ANKRD36B: variants seen among roughly 807,000 people sequenced by gnomAD.
ANKRD36B encodes ankyrin repeat domain 36B.
A neutral mutation model predicts 135.7 loss-of-function variants in ANKRD36B; 37 were observed. That is an observed-to-expected ratio of 0.27 (90% CI 0.21 to 0.36). The LOEUF (loss-of-function observed/expected upper bound fraction) is 0.36. ANKRD36B is among the 10% of genes least tolerant of loss of function. The pLI is 1.00. For synonymous variants in ANKRD36B, 179 were observed against 348.1 expected, an observed-to-expected ratio of 0.51 and a Z score of 5.41; for missense variants, 549 against 1,037.1, an observed-to-expected ratio of 0.53 and a Z score of 6.46.
chr2:97,547,055 T>C (rs1386680409), intron 22 of ANKRD36B, among the ~76,000 whole-genome samples: 2 of 151,682 alleles, frequency 1.3e-5, no homozygotes, highest in African/African-American at 2.4e-5. Flanking sequence ...AGAATTCCTC[T>C]TTTTCAGCCT....
At chr2:97,588,192 C>T (rs1013372512) in intron 1 of ANKRD36B, among the ~76,000 whole-genome samples, 2 of 151,996 alleles carry the variant, frequency 1.3e-5, no homozygotes, top group Non-Finnish European at 2.9e-5. Flanking sequence ...CATTCCATAA[C>T]GAACTTATTT....
At chr2:97,571,721 T>C (rs567303637) in intron 6 of ANKRD36B, among the ~76,000 whole-genome samples, 3 of 151,222 alleles carry the variant, frequency 2.0e-5, no homozygotes, top group East Asian at 3.9e-4. Context: ...TATAGAAATA[T>C]ATGTAGCCAT....
intron 6 of ANKRD36B, among the ~76,000 whole-genome samples, chr2:97,570,095 T>C (rs949146585): frequency 6.6e-6 from 1 of 152,196 alleles, no homozygotes; most frequent in African/African-American, 2.4e-5. Flanking sequence ...AAGAACAGAT[T>C]ATAATTACCT....
intron 5 of ANKRD36B, among the ~76,000 whole-genome samples, chr2:97,577,069 ATTAAT>A (rs869255609): frequency 5.7e-4 from 87 of 152,102 alleles, no homozygotes; most frequent in Non-Finnish European, 1.1e-3. Context: ...TCATAAATAA[ATTAAT>A]TTATGAATAT....
chr2:97,558,950 A>G lies in ANKRD36B; in HGVS notation c.894+16T>C, dbSNP rs1490552268. 6.2e-7 allele frequency: 1 copy of G among 1,605,028 alleles called. No individual in the cohort carries two copies. Among genetic ancestry groups the G allele is most frequent in the African/African-American group, 1.3e-5 (1 of 74,894 alleles). ...ATACGGTTAATAGTTCAACATATAA[A>G]TGAGACTTTAATTACCTTCTCAGCT... On this transcript the variant is annotated intron_variant, in intron 9 of 43. Transcript: ENST00000359901.
At chr2:97,569,717 TTAAAA>T (rs778882577) in intron 6 of ANKRD36B, among the ~76,000 whole-genome samples, 8 of 152,166 alleles carry the variant, frequency 5.3e-5, no homozygotes, top group African/African-American at 1.7e-4. Flanking sequence ...TAAACTGCTC[TTAAAA>T]TAAAGTTGTT....
chr2:97,589,873 A>G lies in ANKRD36B; in HGVS notation c.-188T>C, dbSNP rs2083299174. ...CCGCCTCTCCGCAGAAACGCCCAAC[A>G]GAAGGGTTAGAACCAGCGAGCACGC... On this transcript the variant is annotated 5_prime_UTR_variant, in exon 1 of 44. Coordinates refer to ENST00000359901, the MANE Select transcript of ANKRD36B (RefSeq NM_001393939.1). The G allele has an allele frequency of 1.3e-6, 1 of 777,532 alleles. No homozygotes were observed. The highest frequency in any genetic ancestry group is 1.7e-5 in the African/African-American group (1 of 57,282). The allele number at this position is 777,532 out of a possible 1,614,324, so 48.2% of individuals were successfully genotyped here.
intron 1 of ANKRD36B, among the ~76,000 whole-genome samples, chr2:97,586,542 T>C (rs2083010893): frequency 6.6e-6 from 1 of 152,176 alleles, no homozygotes; most frequent in Admixed American, 6.5e-5. Context: ...GTGGAATGTG[T>C]CTGCTACATA....
chr2:97,555,654 T>C (rs2080451755), intron 12 of ANKRD36B, among the ~76,000 whole-genome samples: 1 of 151,960 alleles, frequency 6.6e-6, no homozygotes. Context: ...TACACTAGTA[T>C]ACTACAAACA....
intron 10 of ANKRD36B, 127 bp from the exon 11 acceptor site, chr2:97,557,259 G>A (rs1382221129): frequency 2.2e-6 from 3 of 1,385,266 alleles, no homozygotes; most frequent in Non-Finnish European, 2.9e-6. Context: ...ATGTTTTACA[G>A]TTTGTGTCTT....
At position 97,553,182 on chromosome 2, in the gene ANKRD36B, T is replaced by C; in HGVS notation, c.1259A>G (p.Glu420Gly). ...SNIATEIKDG[E>G]KSGTVSSQKK... is the part of the protein sequence containing the mutation. The stretch of plus-strand genomic sequence containing the variant: ...TGCAAAATTACCTGTCCCAGATTTT[T>C]CTCCATCCTTTATTTCTGTGGCTAT... Residue 420 changes from glutamate (E) to glycine (G), a missense_variant, in exon 16 of 44, where the codon GAA becomes GGA. Coordinates refer to ENST00000359901, the MANE Select transcript of ANKRD36B (RefSeq NM_001393939.1). The C allele has an allele frequency of 6.2e-7, 1 of 1,611,390 alleles. No homozygotes were observed. The highest frequency in any genetic ancestry group is 8.5e-7 in the Non-Finnish European group (1 of 1,178,700).
intron 8 of ANKRD36B, among the ~76,000 whole-genome samples, chr2:97,560,153 A>C (rs2080889875): frequency 6.6e-6 from 1 of 151,830 alleles, no homozygotes; most frequent in African/African-American, 2.4e-5. Context: ...CAGAAAACCC[A>C]AAATTACATA....
chr2:97,555,307 T>C lies in ANKRD36B; in HGVS notation c.1070-53A>G, dbSNP rs192028456. On this transcript the variant is annotated intron_variant, in intron 12 of 43. Coordinates refer to ENST00000359901, the MANE Select transcript of ANKRD36B (RefSeq NM_001393939.1). ...CTCATATGTAAATATGATAAAGTTA[T>C]CCATACATTCATGAAATGTTAGCAT... 1,913 of 1,604,102 alleles carry C rather than the reference T, an allele frequency of 1.2e-3. 6 individuals are homozygous for C. Among genetic ancestry groups the C allele is most frequent in the South Asian group, 2.6e-3 (231 of 90,576 alleles).
intron 1 of ANKRD36B, among the ~76,000 whole-genome samples, chr2:97,585,982 A>C (rs1207362389): frequency 6.6e-6 from 1 of 152,212 alleles, no homozygotes; most frequent in Non-Finnish European, 1.5e-5. Flanking sequence ...ACTGTTTACA[A>C]TTCATTATTT....
chr2:97,587,694 C>G (rs1304170114), intron 1 of ANKRD36B, among the ~76,000 whole-genome samples: 1 of 152,158 alleles, frequency 6.6e-6, no homozygotes, highest in African/African-American at 2.4e-5. Context: ...AGGGCACATA[C>G]ATTTTTACAG....
At position 97,585,372 on chromosome 2, in the gene ANKRD36B, G is replaced by C. The variant is rs1282190137; in HGVS notation, c.188C>G (p.Thr63Ser). The C allele has an allele frequency of 6.4e-7, 1 of 1,570,790 alleles. No individual in the cohort carries two copies. The highest frequency in any genetic ancestry group is 8.6e-7 in the Non-Finnish European group (1 of 1,156,336). Residue 63 changes from threonine (T) to serine (S), a missense_variant, in exon 2 of 44, where the codon ACT becomes AGT. Physicochemically the swap from Thr to Ser is moderately conservative, Grantham distance 58 (BLOSUM62 1). Transcript: ENST00000359901. ...ERTALHLACA[T>S]GQPEMVHLLV... ...GAGATGTACCATTTCCGGTTGGCCA[G>C]TGGCACAGGCCAAATGTAGGGCAGT... is the stretch of plus-strand genomic sequence containing the variant.
Position 97,560,750 on chromosome 2 carries a change from T to C in ANKRD36B, c.793-13A>G. On this transcript the variant is annotated splice_polypyrimidine_tract_variant and intron_variant, in intron 7 of 43. Transcript: ENST00000359901. ...CGTCACTTGTAGCCTGAATGGGATT[T>C]GAAACAAAATAATCAATATGTAAAG... The C allele has an allele frequency of 6.3e-7, 1 of 1,598,910 alleles. No homozygotes were observed. The highest frequency in any genetic ancestry group is 8.5e-7 in the Non-Finnish European group (1 of 1,177,776).
rs549771262 is a variant in ANKRD36B at position 97,526,271 on chromosome 2, G to A, written c.2266-2804C>T. Among the ~76,000 whole-genome samples the A allele has an allele frequency of 8.2e-5, 8 of 97,594 alleles. 3 individuals are homozygous for A. The highest frequency in any genetic ancestry group is 4.6e-4 in the South Asian group (2 of 4,304). The allele number at this position is 97,594 out of a possible 152,430, so 64.0% of individuals were successfully genotyped here. ...GAAAATCCACTGTTCTGCAGCCACCGCTGCTGATACCCAGGCAGACAGGGT... is the reference window on the plus strand; with the variant it reads ...GAAAATCCACTGTTCTGCAGCCACCACTGCTGATACCCAGGCAGACAGGGT... On this transcript the variant is annotated intron_variant, in intron 35 of 43. Transcript: ENST00000359901.
In ANKRD36B at chr2:97,511,920, CAA is replaced by C; in HGVS notation, c.2936_2937del (p.Phe979Ter). The C allele has an allele frequency of 8.6e-7, 1 of 1,167,462 alleles. No individual in the cohort carries two copies. The highest frequency in any genetic ancestry group is 1.2e-6 in the Non-Finnish European group (1 of 827,792). The allele number at this position is 1,167,462 out of a possible 1,614,324, so 72.3% of individuals were successfully genotyped here. Reference sequence around the variant, plus strand: ...TCTTCATGCTTTCTTTTCACAATTTCAAAGTCTTTTAAGTATTTCTTTTCCAG... The same window carrying C: ...TCTTCATGCTTTCTTTTCACAATTTCAGTCTTTTAAGTATTTCTTTTCCAG... ...QNLEKKYLKD[F>X]EIVKRKHEDL... On this transcript the variant is annotated frameshift_variant, in exon 39 of 44. Coordinates refer to ENST00000359901, the MANE Select transcript of ANKRD36B (RefSeq NM_001393939.1). LOFTEE classifies it high-confidence loss of function.
Sources: gnomAD v4.1 joint callset for allele counts (sites outside exome capture counted in the v4.1 genomes callset) on GRCh38, gnomAD v4.1.1 for gene constraint, MANE v1.5 for transcripts, NCBI Gene and HGNC (gene_info 2026-07-23, HGNC 2026-07-21) for gene names.